LTA4H: variants seen among roughly 807,000 people sequenced by gnomAD.
LTA4H encodes the protein leukotriene A-4 hydrolase.
LTA4H carries 59 observed loss-of-function variants against 89.8 expected under a neutral mutation model. The observed-to-expected ratio is 0.66, with a 90% CI of 0.53 to 0.82. The LOEUF (loss-of-function observed/expected upper bound fraction) is 0.82, where lower values mean the gene tolerates loss of function less well. Among genes scored for constraint, LTA4H ranks in the 40% least tolerant of loss-of-function variants. The pLI, the probability that LTA4H is intolerant of heterozygous loss-of-function variation, is 0.00. For missense variants in LTA4H, 617 were observed against 727.0 expected (o/e 0.85, Z 1.74); for synonymous variants, 227 against 253.1 (o/e 0.90, Z 0.98).
chr12:96,002,494 GT>G (rs1950120372), intron 18 of LTA4H, among the ~76,000 whole-genome samples: 1 of 152,084 alleles, frequency 6.6e-6, no homozygotes, highest in Non-Finnish European at 1.5e-5. Context: ...GTATCTTGCT[GT>G]CAAGATACAA....
rs1950524865 is a variant in LTA4H, at chr12:96,027,459, G to A, written c.396C>T (p.Leu132=). The A allele has an allele frequency of 6.2e-7, 1 of 1,604,154 alleles. No individual in the cohort carries two copies. Among genetic ancestry groups the A allele is most frequent in the Non-Finnish European group, 8.5e-7 (1 of 1,176,686 alleles). Residue 132 remains leucine (L), a synonymous_variant, in exon 3 of 19, where the codon CTC becomes CTT. Coordinates refer to ENST00000228740, the MANE Select transcript of LTA4H (RefSeq NM_000895.3). The part of the protein sequence containing the change: ...EQTSGKEHPY[L]FSQCQAIHCR... ...TCCTTTTTACCTGGCACTGACTAAA[G>A]AGATATGGGTGTTCCTTCCCAGAAG...
chr12:96,024,864 C>T (rs1400619158), intron 3 of LTA4H, among the ~76,000 whole-genome samples: 1 of 152,084 alleles, frequency 6.6e-6, no homozygotes, highest in Admixed American at 6.6e-5. Context: ...GATGGGGTTT[C>T]TCCATGTTGA....
At chr12:96,029,845 GTCC>G (rs1292082261) in intron 1 of LTA4H, among the ~76,000 whole-genome samples, 2 of 152,052 alleles carry the variant, frequency 1.3e-5, no homozygotes, top group Admixed American at 6.6e-5. Context: ...CTAATCTCTT[GTCC>G]TAGAATCTTG....
At chr12:96,017,362 A>G (rs1950394117) in intron 9 of LTA4H, among the ~76,000 whole-genome samples, 195 bp downstream of exon 9, 1 of 152,346 alleles carries the variant, frequency 6.6e-6, no homozygotes, top group African/African-American at 2.4e-5. Flanking sequence ...CATTAAAAAT[A>G]TTTCATAAAT....
chr12:96,024,060 G>C (rs562385432), intron 4 of LTA4H, among the ~76,000 whole-genome samples: 1 of 152,064 alleles, frequency 6.6e-6, no homozygotes, highest in Non-Finnish European at 1.5e-5. Context: ...CTGCCGAGTA[G>C]CTGGGACTAC....
Position 96,022,112 on chromosome 12 carries a change from C to T in LTA4H, c.585+35G>A, listed in dbSNP as rs1248674851. On this transcript the variant is annotated intron_variant, in intron 5 of 18. Coordinates refer to ENST00000228740, the MANE Select transcript of LTA4H (RefSeq NM_000895.3). The surrounding 1 kb of genome is among the most constrained non-coding windows in gnomAD (Gnocchi z 4.0). ...GTACAAGCTAACTGTAGTTTACCGC[C>T]AATGAAAACAAAAATCTAGACCCTA... The T allele has an allele frequency of 4.2e-6, 6 of 1,431,578 alleles. No homozygotes were observed. Among genetic ancestry groups the T allele is most frequent in the Non-Finnish European group, 5.9e-6 (6 of 1,017,134 alleles). 88.7% of individuals were successfully genotyped at this position (1,431,578 alleles called of 1,614,324 possible). A position where few individuals can be genotyped will look rare whatever the true frequency, so the allele number is the denominator to read the frequency against.
chr12:96,036,008 T>A (rs906842986), upstream of LTA4H, among the ~76,000 whole-genome samples: 1 of 152,174 alleles, frequency 6.6e-6, no homozygotes, highest in Non-Finnish European at 1.5e-5. Flanking sequence ...CAGAAGGCTT[T>A]CTTTCGTGCG....
At chr12:96,035,812 T>G, upstream of LTA4H, among the ~76,000 whole-genome samples, 2 of 148,446 alleles carry the variant, frequency 1.3e-5, no homozygotes, top group African/African-American at 2.5e-5. Flanking sequence ...AGGAGGGGAG[T>G]AGGGGCAGTT....
intron 4 of LTA4H, among the ~76,000 whole-genome samples, chr12:96,023,621 A>G (rs1252984821): frequency 6.6e-6 from 1 of 152,210 alleles, no homozygotes; most frequent in Non-Finnish European, 1.5e-5. Flanking sequence ...GGCCCCATAA[A>G]TATGGGTTGG....
chr12:96,036,102 T>G (rs907497839), upstream of LTA4H, among the ~76,000 whole-genome samples: 1 of 149,376 alleles, frequency 6.7e-6, no homozygotes, highest in Admixed American at 6.6e-5. Flanking sequence ...GGCACAGTAA[T>G]TGTTTTTTGT....
chr12:96,022,318 T>A lies in LTA4H; in HGVS notation c.481-67A>T. 9.9e-7 allele frequency: 1 copy of A among 1,009,874 alleles called. No homozygotes were observed. Among genetic ancestry groups the A allele is most frequent in the Non-Finnish European group, 1.5e-6 (1 of 659,260 alleles). 62.6% of individuals were successfully genotyped at this position (1,009,874 alleles called of 1,614,324 possible). ...TTCTATGTGTCTTAAACCATATATG[T>A]AAAATAACCTTTTCTTCCCATTCTT... On this transcript the variant is annotated intron_variant, in intron 4 of 18. Transcript: ENST00000228740. The surrounding 1 kb of genome is among the most constrained non-coding windows in gnomAD (Gnocchi z 4.0).
In LTA4H at chr12:96,019,220, A is replaced by G; in HGVS notation, c.659T>C (p.Leu220Ser). The G allele has an allele frequency of 6.2e-7, 1 of 1,612,060 alleles. No individual in the cohort carries two copies. Residue 220 changes from leucine to serine, a missense_variant, in exon 7 of 19, where the codon TTG becomes TCG. Leu to Ser is a moderately radical substitution (Grantham distance 145). Around this residue, in one of 3 missense-constraint regions of LTA4H, gnomAD observed 172 missense variants for 244.5 expected, o/e 0.70. Transcript: ENST00000228740. ...CACCTGCTCTTTCTCAGACCACACCAAAGTTCTTGGGCCAATTTGCCTGCA... is the reference window on the plus strand; with the variant it reads ...CACCTGCTCTTTCTCAGACCACACCGAAGTTCTTGGGCCAATTTGCCTGCA... The part of the protein sequence containing the change: ...LESRQIGPRT[L>S]VWSEKEQVEK...
At chr12:96,007,577 T>C (rs1950223299) in intron 15 of LTA4H, among the ~76,000 whole-genome samples, 1 of 152,204 alleles carries the variant, frequency 6.6e-6, no homozygotes, top group Non-Finnish European at 1.5e-5. Flanking sequence ...TTATTTACTA[T>C]TTAAGACAAA....
At chr12:96,009,038 TA>T in intron 15 of LTA4H, 55 bp downstream of exon 15, 1 of 1,286,982 alleles carries the variant, frequency 7.8e-7, no homozygotes, top group Non-Finnish European at 1.1e-6. Context: ...GCTTCATGAG[TA>T]AAGACATATT....
chr12:96,009,660 C>T (rs1371022312), intron 14 of LTA4H: 1 of 152,526 alleles, frequency 6.6e-6, no homozygotes, highest in Non-Finnish European at 1.5e-5. Flanking sequence ...TGATTTCATT[C>T]CTTTTTAGAA....
chr12:96,016,986 G>T, intron 10 of LTA4H, 58 bp downstream of exon 10: 1 of 1,085,694 alleles, frequency 9.2e-7, no homozygotes, highest in East Asian at 2.4e-5. Flanking sequence ...GTGGTAGGAG[G>T]CAGGGAAAAA....
intron 4 of LTA4H, among the ~76,000 whole-genome samples, chr12:96,024,225 C>T (rs1950487111): frequency 6.6e-6 from 1 of 152,182 alleles, no homozygotes; most frequent in African/African-American, 2.4e-5. Flanking sequence ...AGCCACCACA[C>T]CTAGCCCTGA....
chr12:96,037,573 T>G (rs975467720), upstream of LTA4H, among the ~76,000 whole-genome samples: 5 of 151,790 alleles, frequency 3.3e-5, no homozygotes, highest in Non-Finnish European at 5.9e-5. Context: ...AGCCAGAGAG[T>G]AGTGGATTGA....
At chr12:96,006,242 C>A in intron 16 of LTA4H, 72 bp downstream of exon 16, 1 of 845,610 alleles carries the variant, frequency 1.2e-6, no homozygotes, top group South Asian at 1.8e-5. Flanking sequence ...AATCTTTTGC[C>A]AAGTTGGGTA....
Sources: gnomAD v4.1 joint callset for allele counts (sites outside exome capture counted in the v4.1 genomes callset) on GRCh38, gnomAD v4.1.1 for gene constraint, gnomAD v4.1.1 regional missense constraint, Gnocchi (gnomAD v3.1) non-coding constraint, MANE v1.5 for transcripts, NCBI Gene and HGNC (gene_info 2026-07-23, HGNC 2026-07-21) for gene names.